The following KIAA0825 variants were observed in gnomAD, a reference collection of about 807,000 sequenced individuals.
The protein encoded by KIAA0825 is KIAA0825, also known as uncharacterized protein KIAA0825.
KIAA0825 carries 119 observed loss-of-function variants against 147.6 expected under a neutral mutation model. The observed-to-expected ratio is 0.81, with a 90% CI of 0.69 to 0.94. The LOEUF is 0.94. KIAA0825 is among the 40% of genes least tolerant of loss of function. The pLI is 0.00. For missense variants in KIAA0825, 1,381 were observed against 1,472.7 expected (o/e 0.94, Z 1.02); for synonymous variants, 470 against 518.1 (o/e 0.91, Z 1.26).
intron 1 of KIAA0825, among the ~76,000 whole-genome samples, chr5:94,586,132 A>G (rs1584968891): frequency 6.6e-6 from 1 of 152,348 alleles, no homozygotes; most frequent in South Asian, 2.1e-4. Flanking sequence ...TAAAAGAACT[A>G]GAGAAGCAAG....
chr5:94,505,564 A>C (rs754491066), intron 5 of KIAA0825, among the ~76,000 whole-genome samples: 7 of 152,116 alleles, frequency 4.6e-5, no homozygotes, highest in Non-Finnish European at 7.3e-5. Context: ...ACTAAGCAAC[A>C]CTCATTTGAT....
At chr5:94,417,028 G>T in intron 15 of KIAA0825, 173 bp downstream of exon 15, 1 of 528,376 alleles carries the variant, frequency 1.9e-6, no homozygotes. Context: ...AATTTTACAG[G>T]AACCAATAAT....
intron 2 of KIAA0825, among the ~76,000 whole-genome samples, chr5:94,565,356 T>TC (rs1349519306): frequency 6.6e-6 from 1 of 151,348 alleles, no homozygotes; most frequent in African/African-American, 2.4e-5. Context: ...TTTTTTTTTT[T>TC]TTTTGAGACA....
intron 5 of KIAA0825, among the ~76,000 whole-genome samples, chr5:94,492,968 T>C (rs563185171): frequency 1.3e-5 from 2 of 152,188 alleles, no homozygotes; most frequent in Admixed American, 1.3e-4. Flanking sequence ...ACTGGTTTTG[T>C]TTGTGTATGT....
intron 5 of KIAA0825, among the ~76,000 whole-genome samples, chr5:94,489,683 C>T (rs1012705143): frequency 6.6e-6 from 1 of 151,232 alleles, no homozygotes; most frequent in Non-Finnish European, 1.5e-5. Context: ...GTCAGGAGTT[C>T]GAGATCAGCC....
At chr5:94,207,197 C>A (rs773642534) in intron 20 of KIAA0825, among the ~76,000 whole-genome samples, 96 of 152,242 alleles carry the variant, frequency 6.3e-4, no homozygotes, top group South Asian at 8.3e-4. Context: ...CTATTACAAT[C>A]ATCAACTGAG....
chr5:94,439,166 T>G (rs1158533040), intron 14 of KIAA0825, among the ~76,000 whole-genome samples: 1 of 152,142 alleles, frequency 6.6e-6, no homozygotes, highest in African/African-American at 2.4e-5. Flanking sequence ...GGGATCATAT[T>G]TGAATGGTGA....
In KIAA0825 at chr5:94,615,780, G is replaced by C. The variant is rs192816264; in HGVS notation, c.-153+2720C>G. Reference sequence around the variant, plus strand: ...AAAAATGTACAAATACTTCTCGGTGGATAAATAACATTTTAAAAAGGAATC... The same window carrying C: ...AAAAATGTACAAATACTTCTCGGTGCATAAATAACATTTTAAAAAGGAATC... On this transcript the variant is annotated intron_variant, in intron 1 of 20. Transcript: ENST00000682413. 6 of 151,570 alleles carry C rather than the reference G, an allele frequency of 4.0e-5. No individual in the cohort carries two copies. In the East Asian group the frequency reaches 1.2e-3, roughly 29 times the overall value. 9.4% of individuals were successfully genotyped at this position (151,570 alleles called of 1,614,324 possible).
intron 1 of KIAA0825, among the ~76,000 whole-genome samples, chr5:94,609,957 T>C (rs1187816527): frequency 2.6e-5 from 4 of 152,166 alleles, no homozygotes; most frequent in African/African-American, 9.7e-5. Context: ...TGAACTGCCA[T>C]GAGCATTTCC....
intron 20 of KIAA0825, among the ~76,000 whole-genome samples, chr5:94,230,077 G>T (rs1481084817): frequency 6.6e-6 from 1 of 152,146 alleles, no homozygotes; most frequent in Non-Finnish European, 1.5e-5. Context: ...CATGAAGGAG[G>T]TGGGGCTGTC....
In KIAA0825 at chr5:94,403,582, T is replaced by A; in HGVS notation, c.2874A>T (p.Lys958Asn). 1 of 1,551,362 alleles carries A rather than the reference T, an allele frequency of 6.4e-7. No homozygotes were observed. Reference protein sequence around the residue: ...WNYSPKETNRKESCKSFTRLT... With the variant: ...WNYSPKETNRNESCKSFTRLT... ...AAGTGTACTTACTTTTGCATGATTC[T>A]TTCCTGTTAGTTTCTTTTGGACTAT... Residue 958 changes from lysine to asparagine, a missense_variant, in exon 16 of 21, where the codon AAA becomes AAT. Coordinates refer to ENST00000682413, the MANE Select transcript of KIAA0825 (RefSeq NM_001145678.3).
chr5:94,344,343 G>A (rs765968375), intron 20 of KIAA0825, among the ~76,000 whole-genome samples: 29 of 152,022 alleles, frequency 1.9e-4, no homozygotes, highest in Non-Finnish European at 3.1e-4. Flanking sequence ...AGAATAAGAA[G>A]AAAATATGCA....
intron 6 of KIAA0825, among the ~76,000 whole-genome samples, chr5:94,480,272 T>G (rs1762350288): frequency 6.6e-6 from 1 of 152,106 alleles, no homozygotes; most frequent in Non-Finnish European, 1.5e-5. Context: ...ACAAGGTGTT[T>G]CTACATTTTC....
At chr5:94,470,915 T>C (rs750397614) in intron 9 of KIAA0825, among the ~76,000 whole-genome samples, 8 of 152,194 alleles carry the variant, frequency 5.3e-5, no homozygotes, top group Non-Finnish European at 1.0e-4. Flanking sequence ...TTAATGCCTG[T>C]GGTCATTTTT....
chr5:94,443,610 T>A (rs1757378291), intron 13 of KIAA0825, among the ~76,000 whole-genome samples: 1 of 152,210 alleles, frequency 6.6e-6, no homozygotes, highest in Non-Finnish European at 1.5e-5. Flanking sequence ...TATTGGTTTA[T>A]GAAACTATTA....
intron 14 of KIAA0825, 41 bp from the exon 15 acceptor site, chr5:94,417,406 T>C: frequency 6.7e-7 from 1 of 1,498,556 alleles, no homozygotes; most frequent in East Asian, 2.5e-5. Flanking sequence ...AATGATTTAG[T>C]AAGATATCAG....
chr5:94,545,848 C>T (rs1237641669), intron 2 of KIAA0825, among the ~76,000 whole-genome samples: 2 of 152,172 alleles, frequency 1.3e-5, no homozygotes, highest in African/African-American at 2.4e-5. Flanking sequence ...GTAAAAGGGA[C>T]TTAGTCTTGC....
At chr5:94,285,454 A>G (rs1465460607) in intron 20 of KIAA0825, among the ~76,000 whole-genome samples, 1 of 152,128 alleles carries the variant, frequency 6.6e-6, no homozygotes, top group Non-Finnish European at 1.5e-5. Context: ...TTTGATATAC[A>G]TGATACTGTC....
intron 20 of KIAA0825, among the ~76,000 whole-genome samples, chr5:94,172,884 C>G (rs1334883342): frequency 6.6e-6 from 1 of 151,864 alleles, no homozygotes; most frequent in Non-Finnish European, 1.5e-5. Flanking sequence ...ATCATAATAC[C>G]TAATTTGTAA....
Sources: gnomAD v4.1 joint callset for allele counts (sites outside exome capture counted in the v4.1 genomes callset) on GRCh38, gnomAD v4.1.1 for gene constraint, MANE v1.5 for transcripts, NCBI Gene and HGNC (gene_info 2026-07-23, HGNC 2026-07-21) for gene names.